TCERG1L: variants seen among roughly 807,000 people sequenced by gnomAD.
The protein encoded by TCERG1L is transcription elongation regulator 1-like protein.
TCERG1L carries 37 observed loss-of-function variants against 56.3 expected under a neutral mutation model. That is an observed-to-expected ratio of 0.66 (90% confidence interval 0.51 to 0.87). The LOEUF (loss-of-function observed/expected upper bound fraction) is 0.87. Ranked by LOEUF, TCERG1L falls within the 40% of genes least tolerant of loss-of-function variation. The pLI, the probability that TCERG1L is intolerant of heterozygous loss-of-function variation, is 0.00. For synonymous variants in TCERG1L, 324 were observed against 326.3 expected (o/e 0.99, Z 0.08); for missense variants, 799 against 774.2 (o/e 1.03, Z -0.38).
intron 3 of TCERG1L, among the ~76,000 whole-genome samples, chr10:131,306,179 A>T (rs890090269): frequency 3.9e-5 from 6 of 152,130 alleles, no homozygotes; most frequent in Non-Finnish European, 8.8e-5. Flanking sequence ...GTAACACATA[A>T]ATAACCCCTT....
At chr10:131,184,829 C>A (rs1845218878) in intron 4 of TCERG1L, among the ~76,000 whole-genome samples, 1 of 152,202 alleles carries the variant, frequency 6.6e-6, no homozygotes, top group Non-Finnish European at 1.5e-5. Flanking sequence ...ACAGTGTCCT[C>A]AAAGGGACTG....
rs528779135 is a variant in TCERG1L at position 131,166,834 on chromosome 10, C to T, written c.908G>A (p.Arg303Gln). The T allele has an allele frequency of 6.8e-6, 11 of 1,613,818 alleles. No homozygotes were observed. In the Admixed American group the frequency reaches 8.3e-5, roughly 12 times the overall value. The stretch of plus-strand genomic sequence containing the variant: ...GTCTCCATCCCGGCTCTTCTGGGCC[C>T]GCAGCATCAGGGCAGGAGGGCGGGC... ...RVARPPALML[R>Q]AQKSRDGDKE... is the part of the protein sequence containing the mutation. The change falls in exon 5 of 12, where the codon CGG (arginine) becomes CAG (glutamine). Residue 303 changes from arginine to glutamine, a missense_variant. Coordinates refer to ENST00000368642, the MANE Select transcript of TCERG1L (RefSeq NM_174937.4).
At position 131,101,646 on chromosome 10, in the gene TCERG1L, C is replaced by T. The variant is rs543621577; in HGVS notation, c.1485+2619G>A. 1.1e-4 allele frequency among the ~76,000 whole-genome samples: 16 copies of T among 152,324 alleles called. 1 individual carries two copies. In the South Asian group the frequency reaches 1.9e-3, roughly 18 times the overall value. ...GGTTTATGGCTCCTGCCTATGCCCT[C>T]CAGTGATTCTGTCACATAAAATCAC... On this transcript the variant is annotated intron_variant, in intron 10 of 11. Transcript: ENST00000368642.
chr10:131,247,447 A>C, intron 4 of TCERG1L, among the ~76,000 whole-genome samples: 1 of 152,110 alleles, frequency 6.6e-6, no homozygotes, highest in East Asian at 1.9e-4. Context: ...TGTCCCCAGG[A>C]GCTCCTTCCT....
intron 4 of TCERG1L, among the ~76,000 whole-genome samples, chr10:131,252,593 C>A (rs1435958928): frequency 6.6e-6 from 1 of 152,146 alleles, no homozygotes; most frequent in Non-Finnish European, 1.5e-5. Flanking sequence ...GGAAGACTCT[C>A]CAGTGTGAGC....
rs547274077 is a variant in TCERG1L at position 131,181,464 on chromosome 10, C to T, written c.857-14579G>A. Among the ~76,000 whole-genome samples, 8 of 152,374 alleles carry T rather than the reference C, an allele frequency of 5.3e-5. No homozygotes were observed. In the South Asian group the frequency reaches 1.7e-3, roughly 32 times the overall value. ...CTACCTTCTCTGAGATTCAATTTCT[C>T]CATCAACTGAATGGGAAAAGTAATA... On this transcript the variant is annotated intron_variant, in intron 4 of 11. Transcript: ENST00000368642.
intron 8 of TCERG1L, among the ~76,000 whole-genome samples, chr10:131,128,234 A>G (rs918914553): frequency 6.6e-6 from 1 of 152,174 alleles, no homozygotes; most frequent in Non-Finnish European, 1.5e-5. Flanking sequence ...AGAAAGTGGG[A>G]AGGGAAGAGG....
At chr10:131,248,796 G>A (rs1382079588) in intron 4 of TCERG1L, among the ~76,000 whole-genome samples, 1 of 152,212 alleles carries the variant, frequency 6.6e-6, no homozygotes, top group African/African-American at 2.4e-5. Context: ...GTGCCATGGG[G>A]TGTCATGCCC....
chr10:131,261,912 G>A (rs1186271922), intron 3 of TCERG1L, among the ~76,000 whole-genome samples: 6 of 152,226 alleles, frequency 3.9e-5, no homozygotes, highest in African/African-American at 1.4e-4. Flanking sequence ...GTAAAAGTCT[G>A]CATGAGGCAA....
chr10:131,267,372 C>A lies in TCERG1L; in HGVS notation c.671-6928G>T, dbSNP rs1224218299. Reference sequence around the variant, plus strand: ...AGAGGCCAGGCAGCAGGAGCAGATACCCCCAAGCCTAAGCCCTGAGAGCAT... The same window carrying A: ...AGAGGCCAGGCAGCAGGAGCAGATAACCCCAAGCCTAAGCCCTGAGAGCAT... On this transcript the variant is annotated intron_variant, in intron 3 of 11. Coordinates refer to ENST00000368642, the MANE Select transcript of TCERG1L (RefSeq NM_174937.4). The surrounding 1 kb of genome is among the most constrained non-coding windows in gnomAD (Gnocchi z 4.9). Among the ~76,000 whole-genome samples the A allele has an allele frequency of 6.6e-6, 1 of 152,208 alleles. No homozygotes were observed. Among genetic ancestry groups the A allele is most frequent in the Non-Finnish European group, 1.5e-5 (1 of 68,038 alleles).
Position 131,166,871 on chromosome 10 carries a change from G to T in TCERG1L, c.871C>A (p.Arg291=), listed in dbSNP as rs201159848. 1 of 1,612,170 alleles carries T rather than the reference G, an allele frequency of 6.2e-7. No homozygotes were observed. Among genetic ancestry groups the T allele is most frequent in the Non-Finnish European group, 8.5e-7 (1 of 1,179,800 alleles). ...TSPVSDTRTE[R]GRVARPPALM... ...GCAGGAGGGCGGGCCACTCGGCCCC[G>T]CTCTGTCCTTGTATCTGTTGGGCCA... The change falls in exon 5 of 12, where the codon CGG becomes AGG. Residue 291 remains arginine (R), a synonymous_variant. Coordinates refer to ENST00000368642, the MANE Select transcript of TCERG1L (RefSeq NM_174937.4).
intron 4 of TCERG1L, among the ~76,000 whole-genome samples, chr10:131,241,493 G>A (rs900671000): frequency 2.0e-5 from 3 of 152,032 alleles, no homozygotes; most frequent in African/African-American, 7.3e-5. Context: ...ACAGGGGATA[G>A]CGCAATATAA....
chr10:131,107,592 C>T, intron 9 of TCERG1L, among the ~76,000 whole-genome samples: 1 of 152,108 alleles, frequency 6.6e-6, no homozygotes, highest in Non-Finnish European at 1.5e-5. Context: ...CAGGACTTCT[C>T]CCAAAGGGTC....
chr10:131,234,282 A>G (rs1274846115), intron 4 of TCERG1L, among the ~76,000 whole-genome samples: 2 of 152,200 alleles, frequency 1.3e-5, no homozygotes, highest in African/African-American at 4.8e-5. Flanking sequence ...CTACCTTTTA[A>G]GTAAGCTGTT....
chr10:131,291,878 G>T (rs1345376960), intron 3 of TCERG1L, among the ~76,000 whole-genome samples: 1 of 152,034 alleles, frequency 6.6e-6, no homozygotes, highest in Non-Finnish European at 1.5e-5. Flanking sequence ...GTTGATAGTT[G>T]TTCATAGGTA....
intron 4 of TCERG1L, among the ~76,000 whole-genome samples, chr10:131,172,475 A>G (rs1846103782): frequency 6.6e-6 from 1 of 152,244 alleles, no homozygotes; most frequent in African/African-American, 2.4e-5. Context: ...GTTGACTCAC[A>G]GATGGTCTCC....
At chr10:131,239,468 T>A (rs1845948425) in intron 4 of TCERG1L, among the ~76,000 whole-genome samples, 1 of 152,234 alleles carries the variant, frequency 6.6e-6, no homozygotes, top group Non-Finnish European at 1.5e-5. Flanking sequence ...CAAAGAAAGC[T>A]TTTTACAGAT....
At chr10:131,172,562 G>A (rs1381140234) in intron 4 of TCERG1L, among the ~76,000 whole-genome samples, 2 of 152,264 alleles carry the variant, frequency 1.3e-5, no homozygotes, top group African/African-American at 4.8e-5. Context: ...TATGAAAAGG[G>A]TTCATGAGGA....
At chr10:131,256,040 G>T (rs1013746307) in intron 4 of TCERG1L, among the ~76,000 whole-genome samples, 1 of 152,118 alleles carries the variant, frequency 6.6e-6, no homozygotes, top group Non-Finnish European at 1.5e-5. Flanking sequence ...TCCCGCACAC[G>T]CCAGATGAGT....
Sources: gnomAD v4.1 joint callset for allele counts (sites outside exome capture counted in the v4.1 genomes callset) on GRCh38, gnomAD v4.1.1 for gene constraint, Gnocchi (gnomAD v3.1) non-coding constraint, MANE v1.5 for transcripts, NCBI Gene and HGNC (gene_info 2026-07-23, HGNC 2026-07-21) for gene names.